The following NSD3 variants were observed in gnomAD, a reference collection of about 807,000 sequenced individuals.
The protein encoded by NSD3 is nuclear receptor binding SET domain protein 3, also known as histone-lysine N-methyltransferase NSD3.
NSD3 carries 24 observed loss-of-function variants against 160.8 expected under a neutral mutation model. That is an observed-to-expected ratio of 0.15 (90% CI 0.11 to 0.21). The LOEUF is 0.21. Among genes scored for constraint, NSD3 ranks in the 10% least tolerant of loss-of-function variants. NSD3 has a pLI of 1.00. For missense variants in NSD3, 1,157 were observed against 1,735.9 expected (o/e 0.67, Z 5.93); for synonymous variants, 520 against 600.0 (o/e 0.87, Z 1.95).
At chr8:38,358,191 A>T (rs1227715555) in intron 1 of NSD3, among the ~76,000 whole-genome samples, 3 of 152,182 alleles carry the variant, frequency 2.0e-5, no homozygotes, top group African/African-American at 7.2e-5. Flanking sequence ...ATGAAAATCA[A>T]TCTATTTTCC....
At position 38,347,975 on chromosome 8, in the gene NSD3, A is replaced by G. The variant is rs1300163248; in HGVS notation, c.197T>C (p.Leu66Pro). 5 of 1,614,172 alleles carry G rather than the reference A, an allele frequency of 3.1e-6. No homozygotes were observed. The highest frequency in any genetic ancestry group is 4.2e-6 in the Non-Finnish European group (5 of 1,180,018). Residue 66 changes from leucine (L) to proline (P), a missense_variant, in exon 2 of 24, where the codon CTT becomes CCT. Physicochemically the swap from Leu to Pro is moderately conservative, Grantham distance 98 (BLOSUM62 -3). Transcript: ENST00000317025. ...GFQYPATTED[L>P]PPLTNGYPSS... Reference sequence around the variant, plus strand: ...TGGATACCCATTTGTGAGTGGAGGAAGATCTTCTGTTGTAGCTGGGTACTG... The same window carrying G: ...TGGATACCCATTTGTGAGTGGAGGAGGATCTTCTGTTGTAGCTGGGTACTG...
intron 1 of NSD3, among the ~76,000 whole-genome samples, chr8:38,349,016 C>T (rs560224146): frequency 1.3e-5 from 2 of 152,208 alleles, no homozygotes; most frequent in South Asian, 4.1e-4. Flanking sequence ...CTTCATTATT[C>T]CCACTCTTCT....
intron 12 of NSD3, among the ~76,000 whole-genome samples, chr8:38,306,168 T>TA (rs1369056635): frequency 6.6e-6 from 1 of 151,682 alleles, no homozygotes; most frequent in South Asian, 2.1e-4. Context: ...GTAAGAATAA[T>TA]AAAAAAAGGA....
intron 4 of NSD3, among the ~76,000 whole-genome samples, chr8:38,334,202 AAAGG>A (rs1585895861): frequency 6.6e-6 from 1 of 152,240 alleles, no homozygotes; most frequent in African/African-American, 2.4e-5. Context: ...TTGGCAATAA[AAAGG>A]AATAAAGCAC....
chr8:38,345,504 A>G (rs1810496941), intron 2 of NSD3, among the ~76,000 whole-genome samples: 1 of 152,212 alleles, frequency 6.6e-6, no homozygotes, highest in Non-Finnish European at 1.5e-5. Flanking sequence ...ACTTTTGGTC[A>G]AGTTGATATT....
intron 16 of NSD3, among the ~76,000 whole-genome samples, chr8:38,294,321 C>T (rs1398313954): frequency 6.6e-6 from 1 of 152,114 alleles, no homozygotes; most frequent in East Asian, 1.9e-4. Flanking sequence ...GTCTTGAACT[C>T]CTCAGCTCAA....
At chr8:38,314,495 G>A (rs961721397) in intron 12 of NSD3, 152 bp downstream of exon 12, 3 of 1,201,776 alleles carry the variant, frequency 2.5e-6, no homozygotes, top group African/African-American at 1.5e-5. Flanking sequence ...AAATCTTGAA[G>A]CCAAATCTTA....
chr8:38,333,292 C>T (rs6984502), intron 4 of NSD3, among the ~76,000 whole-genome samples: 4,854 of 152,186 alleles, frequency 0.032, 255 homozygotes, highest in African/African-American at 0.11. Context: ...AGAGAGGAAA[C>T]AAGACAAACA....
At position 38,276,176 on chromosome 8, in the gene NSD3, A is replaced by G. The variant is rs1039405390; in HGVS notation, c.4072+120T>C. On this transcript the variant is annotated intron_variant, in intron 23 of 23. Transcript: ENST00000317025. ...AAGGGGAAAGATTTTTGCCAGCGTA[A>G]TTTTTCGCTATTGTTTGTTCTATTC... 4 of 1,197,772 alleles carry G rather than the reference A, an allele frequency of 3.3e-6. No individual in the cohort carries two copies. In the African/African-American group the frequency reaches 6.2e-5, roughly 18 times the overall value. 74.2% of individuals were successfully genotyped at this position (1,197,772 alleles called of 1,614,324 possible). A position where few individuals can be genotyped will look rare whatever the true frequency, so the allele number is the denominator to read the frequency against.
intron 16 of NSD3, among the ~76,000 whole-genome samples, chr8:38,295,299 T>A (rs1351718070): frequency 1.3e-5 from 2 of 151,908 alleles, no homozygotes; most frequent in African/African-American, 4.8e-5. Flanking sequence ...TGGTGGCTCA[T>A]GCTTATAATC....
intron 4 of NSD3, among the ~76,000 whole-genome samples, chr8:38,332,433 G>C (rs1420519673): frequency 2.0e-5 from 3 of 152,112 alleles, no homozygotes; most frequent in Admixed American, 6.5e-5. Context: ...CACTGCGCCT[G>C]CATCTCAGCT....
intron 16 of NSD3, 44 bp from the exon 17 acceptor site, chr8:38,290,721 C>CA (rs769589391): frequency 1.3e-6 from 2 of 1,588,170 alleles, no homozygotes; most frequent in Non-Finnish European, 1.7e-6. Context: ...AAAAACGAAA[C>CA]AAAAAACCAC....
intron 22 of NSD3, among the ~76,000 whole-genome samples, chr8:38,277,979 C>T (rs1489301396): frequency 2.0e-5 from 3 of 150,702 alleles, no homozygotes; most frequent in Non-Finnish European, 3.0e-5. Flanking sequence ...TGCACTGTCA[C>T]CCAGGCTGGA....
At chr8:38,360,028 C>G (rs1436773536) in intron 1 of NSD3, among the ~76,000 whole-genome samples, 5 of 149,528 alleles carry the variant, frequency 3.3e-5, no homozygotes, top group African/African-American at 1.2e-4. Flanking sequence ...GACGGTCTCA[C>G]TATATCACTG....
chr8:38,360,751 T>C (rs1705201973), intron 1 of NSD3, among the ~76,000 whole-genome samples: 1 of 152,158 alleles, frequency 6.6e-6, no homozygotes, highest in Non-Finnish European at 1.5e-5. Context: ...AAAATCTGCT[T>C]GCTTAAAAAA....
intron 20 of NSD3, among the ~76,000 whole-genome samples, chr8:38,280,376 A>G (rs1474428850): frequency 6.6e-6 from 1 of 152,244 alleles, no homozygotes; most frequent in African/African-American, 2.4e-5. Flanking sequence ...CCCAGCAATC[A>G]TAAAGAACGA....
chr8:38,338,752 G>A lies in NSD3; in HGVS notation c.676-145C>T, dbSNP rs1011641215. ...ATTAACTGAACAATGTAAGGAGTAA[G>A]AATACAACTTACTCAATACCTAATG... On this transcript the variant is annotated intron_variant, in intron 2 of 23. Coordinates refer to ENST00000317025, the MANE Select transcript of NSD3 (RefSeq NM_023034.2). The A allele has an allele frequency of 2.6e-5, 17 of 654,970 alleles. No individual in the cohort carries two copies. The South Asian group carries it at 2.9e-4, about 11-fold the overall frequency. 40.6% of individuals were successfully genotyped at this position (654,970 alleles called of 1,614,324 possible). A position where few individuals can be genotyped will look rare whatever the true frequency, so the allele number is the denominator to read the frequency against.
At chr8:38,358,196 T>C (rs1264043637) in intron 1 of NSD3, among the ~76,000 whole-genome samples, 1 of 152,174 alleles carries the variant, frequency 6.6e-6, no homozygotes, top group Non-Finnish European at 1.5e-5. Context: ...AATCAATCTA[T>C]TTTCCAAAGT....
In NSD3 at chr8:38,272,308, A is replaced by AT. The variant is rs1171477291; in HGVS notation, c.*3332dup. 1 of 152,256 alleles carries AT rather than the reference A, an allele frequency of 6.6e-6. No individual in the cohort carries two copies. The highest frequency in any genetic ancestry group is 1.5e-5 in the Non-Finnish European group (1 of 68,042). The allele number at this position is 152,256 out of a possible 1,614,324, so 9.4% of individuals were successfully genotyped here. A position where few individuals can be genotyped will look rare whatever the true frequency, so the allele number is the denominator to read the frequency against. Reference sequence around the variant, plus strand: ...CCAGTTCTATAGATGAGGCCAGATCATTTTTGAGAATTAAGATAAGAGTGG... The same window carrying AT: ...CCAGTTCTATAGATGAGGCCAGATCATTTTTTGAGAATTAAGATAAGAGTGG... On this transcript the variant is annotated 3_prime_UTR_variant, in exon 24 of 24. Transcript: ENST00000317025.
Sources: allele counts gnomAD v4.1 joint callset (sites outside exome capture counted in the v4.1 genomes callset), GRCh38; gene constraint gnomAD v4.1.1; transcripts MANE v1.5; gene names NCBI Gene and HGNC (gene_info 2026-07-23, HGNC 2026-07-21).